The following LGI3 variants were observed in gnomAD, a reference collection of about 807,000 sequenced individuals.
LGI3 encodes the protein leucine-rich repeat LGI family member 3.
LGI3 carries 47 observed loss-of-function variants against 55.4 expected under a neutral mutation model. The observed-to-expected ratio is 0.85, with a 90% CI of 0.67 to 1.08. LGI3 has a LOEUF of 1.08. LGI3 is among the 50% of genes least tolerant of loss of function. LGI3 has a pLI of 0.00. For synonymous variants in LGI3, 326 were observed against 315.0 expected, an observed-to-expected ratio of 1.04 and a Z score of -0.37; for missense variants, 664 against 726.3, an observed-to-expected ratio of 0.91 and a Z score of 0.99.
intron 7 of LGI3, among the ~76,000 whole-genome samples, chr8:22,150,839 C>T (rs964144441): frequency 2.6e-5 from 4 of 151,780 alleles, no homozygotes; most frequent in African/African-American, 9.7e-5. Context: ...ATCACACATT[C>T]TGCTTAAACC....
rs374572103 is a variant in LGI3, at chr8:22,155,468, G to T, written c.207-5C>A. On this transcript the variant is annotated splice_polypyrimidine_tract_variant and splice_region_variant and intron_variant, in intron 1 of 7. Coordinates refer to ENST00000306317, the MANE Select transcript of LGI3 (RefSeq NM_139278.4). ...AAGGCGGCATTCACCAGGGTCCTGC[G>T]GGGACACCCGAGTCAGTACTGTGGG... 6.2e-7 allele frequency: 1 copy of T among 1,613,102 alleles called. No homozygotes were observed. Among genetic ancestry groups the T allele is most frequent in the African/African-American group, 1.3e-5 (1 of 74,924 alleles).
In LGI3 at chr8:22,156,566, G is replaced by T. The variant is rs1333840476; in HGVS notation, c.-24C>A. 5.0e-5 allele frequency: 50 copies of T among 1,009,314 alleles called. No individual in the cohort carries two copies. The highest frequency in any genetic ancestry group is 5.7e-5 in the Non-Finnish European group (45 of 785,410). The allele number at this position is 1,009,314 out of a possible 1,614,324, so 62.5% of individuals were successfully genotyped here. ...ATGCTGCCCGCGATCTCTCCCTGGG[G>T]CCGGCGGCCGCGGCCCCCGCCCCAC... On this transcript the variant is annotated 5_prime_UTR_variant, in exon 1 of 8. Coordinates refer to ENST00000306317, the MANE Select transcript of LGI3 (RefSeq NM_139278.4).
At chr8:22,153,737 C>G (rs1277266313) in intron 5 of LGI3, among the ~76,000 whole-genome samples, 1 of 148,724 alleles carries the variant, frequency 6.7e-6, no homozygotes, top group Non-Finnish European at 1.5e-5. Flanking sequence ...CACACACACA[C>G]ATTTTGAAAA....
rs200734496 is a variant in LGI3 at position 22,151,859 on chromosome 8, C to T, written c.636G>A (p.Pro212=). The T allele has an allele frequency of 2.5e-5, 40 of 1,611,596 alleles. No homozygotes were observed. In the South Asian group the frequency reaches 2.5e-4, roughly 10 times the overall value. ...RFQEHKVQDL[P]LREFDCITTD... is the part of the protein sequence containing the mutation. The stretch of plus-strand genomic sequence containing the variant: ...TGGTGATGCAATCGAACTCCCGCAG[C>T]GGCAGGTCCTGCACCTTGTGCTCCT... Residue 212 remains proline, a synonymous_variant, in exon 6 of 8, where the codon CCG becomes CCA. Coordinates refer to ENST00000306317, the MANE Select transcript of LGI3 (RefSeq NM_139278.4).
At chr8:22,149,438 C>A (rs570758058) in intron 7 of LGI3, among the ~76,000 whole-genome samples, 4,518 of 152,254 alleles carry the variant, frequency 0.03, 211 homozygotes, top group African/African-American at 0.1. Context: ...AGCTACCCCA[C>A]TGGCAGTGGC....
intron 7 of LGI3, 121 bp from the exon 8 acceptor site, chr8:22,149,098 A>G (rs954221938): frequency 1.5e-6 from 1 of 645,772 alleles, no homozygotes; most frequent in African/African-American, 1.8e-5. Flanking sequence ...GCGCTATACC[A>G]TTCCACCCAC....
chr8:22,155,611 C>T (rs1177206402), intron 1 of LGI3, 148 bp from the exon 2 acceptor site: 1 of 666,136 alleles, frequency 1.5e-6, no homozygotes, highest in Admixed American at 2.3e-5. Flanking sequence ...GTGTGTCTTT[C>T]CCTTCTCCTC....
Position 22,151,934 on chromosome 8 carries a change from G to A in LGI3, c.561C>T (p.His187=), listed in dbSNP as rs1827384935. ...KVKWLVEWLA[H]TNTTVAPIYC... The stretch of plus-strand genomic sequence containing the variant: ...AGATGGGTGCCACCGTGGTGTTGGT[G>A]TGTGCCAGCCACTCCACCAACCACT... Residue 187 remains histidine, a synonymous_variant, in exon 6 of 8, where the codon CAC becomes CAT. Transcript: ENST00000306317. The A allele has an allele frequency of 3.1e-6, 5 of 1,613,096 alleles. No homozygotes were observed. The highest frequency in any genetic ancestry group is 3.3e-5 in the Admixed American group (2 of 59,968).
Position 22,151,988 on chromosome 8 carries a change from G to C in LGI3, c.507C>G (p.Gly169=). 1.2e-6 allele frequency: 2 copies of C among 1,602,556 alleles called. No homozygotes were observed. The highest frequency in any genetic ancestry group is 1.7e-6 in the Non-Finnish European group (2 of 1,172,224). The part of the protein sequence containing the change: ...LDILNDLDLR[G]NSLNCDCKVK... ...CCTTGCAGTCACAGTTGAGTGAGTT[G>C]CCCCGCAGGTCCCTGCATCATGAGG... is the stretch of plus-strand genomic sequence containing the variant. The change falls in exon 6 of 8, where the codon GGC becomes GGG. Residue 169 remains glycine (G), a synonymous_variant. Transcript: ENST00000306317.
In LGI3 at chr8:22,156,565, G is replaced by A; in HGVS notation, c.-23C>T. 3 of 1,023,830 alleles carry A rather than the reference G, an allele frequency of 2.9e-6. No homozygotes were observed. The highest frequency in any genetic ancestry group is 8.7e-5 in the Admixed American group (2 of 22,910). The allele number at this position is 1,023,830 out of a possible 1,614,324, so 63.4% of individuals were successfully genotyped here. On this transcript the variant is annotated 5_prime_UTR_variant, in exon 1 of 8. Transcript: ENST00000306317. ...CATGCTGCCCGCGATCTCTCCCTGG[G>A]GCCGGCGGCCGCGGCCCCCGCCCCA...
chr8:22,154,689 C>T, intron 2 of LGI3, 58 bp from the exon 3 acceptor site: 1 of 1,317,912 alleles, frequency 7.6e-7, no homozygotes, highest in Non-Finnish European at 1.1e-6. Context: ...CCCCAGCCCC[C>T]AGCCCGCTGC....
chr8:22,153,821 C>T, intron 5 of LGI3, 147 bp downstream of exon 5: 1 of 735,108 alleles, frequency 1.4e-6, no homozygotes, highest in Admixed American at 2.3e-5. Flanking sequence ...TATCTAACTC[C>T]ACCTCCTCAC....
chr8:22,156,265 C>CCTGTCCTCTCCCAGAG, intron 1 of LGI3, 72 bp downstream of exon 1: 1 of 1,518,448 alleles, frequency 6.6e-7, no homozygotes, highest in Non-Finnish European at 9.0e-7. Context: ...CGGGGGTTCT[C>CCTGTCCTCTCCCAGAG]CTGTCCTCTC....
Position 22,150,529 on chromosome 8 carries a change from T to G in LGI3, c.829+960A>C, listed in dbSNP as rs969400218. Among the ~76,000 whole-genome samples the G allele has an allele frequency of 3.9e-4, 60 of 151,998 alleles. 1 individual carries two copies. Among genetic ancestry groups the G allele is most frequent in the Admixed American group, 3.9e-3 (59 of 15,256 alleles). On this transcript the variant is annotated intron_variant, in intron 7 of 7. Transcript: ENST00000306317. ...ACCTGCCACCACGCCCAGCTAATTT[T>G]TTGTATTTTTAGTAGAGACAGGGTT...
rs938405562 is a variant in LGI3 at position 22,148,411 on chromosome 8, C to T, written c.1396G>A (p.Gly466Ser). The change falls in exon 8 of 8, where the codon GGC (glycine) becomes AGC (serine). Residue 466 changes from glycine (G) to serine (S), a missense_variant. Coordinates refer to ENST00000306317, the MANE Select transcript of LGI3 (RefSeq NM_139278.4). The surrounding 1 kb of genome is among the most constrained non-coding windows in gnomAD (Gnocchi z 7.0). ...AGGAAGGGCTGCAGGGCCAGCGAGCCCCGGGAGGGCAGGGCCTGCACCTCC... is the reference window on the plus strand; with the variant it reads ...AGGAAGGGCTGCAGGGCCAGCGAGCTCCGGGAGGGCAGGGCCTGCACCTCC... ...FSEVQALPSRGSLALQPFLVG... is the reference protein window; with the variant it reads ...FSEVQALPSRSSLALQPFLVG... 1 of 1,612,690 alleles carries T rather than the reference C, an allele frequency of 6.2e-7. No individual in the cohort carries two copies. The highest frequency in any genetic ancestry group is 8.5e-7 in the Non-Finnish European group (1 of 1,179,880).
intron 3 of LGI3, 51 bp downstream of exon 3, chr8:22,154,509 T>TG: frequency 4.5e-6 from 7 of 1,542,302 alleles, no homozygotes; most frequent in Non-Finnish European, 6.3e-6. Flanking sequence ...CTCCCAGGCC[T>TG]GGGGTCCCCC....
At chr8:22,151,431 G>C in intron 7 of LGI3, 58 bp downstream of exon 7, 2 of 1,536,444 alleles carry the variant, frequency 1.3e-6, no homozygotes, top group South Asian at 2.3e-5. Context: ...TTGAACGATG[G>C]AGCCCACTCC....
chr8:22,149,075 G>A, intron 7 of LGI3, 98 bp from the exon 8 acceptor site: 2 of 774,554 alleles, frequency 2.6e-6, no homozygotes, highest in East Asian at 2.7e-5. Flanking sequence ...ACTTGGGCCA[G>A]GACTAAGACT....
At chr8:22,155,825 C>T (rs1827485617) in intron 1 of LGI3, among the ~76,000 whole-genome samples, 1 of 152,258 alleles carries the variant, frequency 6.6e-6, no homozygotes, top group African/African-American at 2.4e-5. Context: ...CCCCAAGGAC[C>T]TCACAACCTC....
Sources: allele counts gnomAD v4.1 joint callset (sites outside exome capture counted in the v4.1 genomes callset), GRCh38; gene constraint gnomAD v4.1.1; non-coding constraint Gnocchi (gnomAD v3.1); transcripts MANE v1.5; gene names NCBI Gene and HGNC (gene_info 2026-07-23, HGNC 2026-07-21).